SPATA13: variants seen among roughly 807,000 people sequenced by gnomAD.
SPATA13 encodes the protein spermatogenesis associated 13.
A neutral mutation model predicts 104.0 loss-of-function variants in SPATA13; 50 were observed. The ratio of observed to expected loss-of-function variants is 0.48; its 90% CI spans 0.38 to 0.61. The LOEUF is 0.61. SPATA13 is among the 20% of genes least tolerant of loss of function. SPATA13 has a pLI of 0.00. For missense variants in SPATA13, 1,524 were observed against 1,690.6 expected (o/e 0.90, Z 1.73); for synonymous variants, 606 against 667.5 (o/e 0.91, Z 1.42).
chr13:24,006,543 C>A (rs1244359804), intron 2 of SPATA13, among the ~76,000 whole-genome samples: 1 of 152,182 alleles, frequency 6.6e-6, no homozygotes, highest in African/African-American at 2.4e-5. Context: ...GGCAGAGGAG[C>A]GAATAGAGGC....
chr13:24,233,760 A>G (rs1005370315), intron 2 of SPATA13, among the ~76,000 whole-genome samples: 1 of 152,208 alleles, frequency 6.6e-6, no homozygotes, highest in African/African-American at 2.4e-5. Flanking sequence ...CAGACTAGTT[A>G]AACCGGCAAA....
intron 2 of SPATA13, among the ~76,000 whole-genome samples, chr13:23,984,983 T>C (rs1187231616): frequency 6.6e-6 from 1 of 152,210 alleles, no homozygotes; most frequent in Non-Finnish European, 1.5e-5. Context: ...GGAGGTGAGC[T>C]GGTCTCTTCA....
intron 1 of SPATA13, among the ~76,000 whole-genome samples, chr13:24,183,523 G>A (rs1473762432): frequency 6.6e-6 from 1 of 152,116 alleles, no homozygotes; most frequent in Non-Finnish European, 1.5e-5. Context: ...CGGCTCACGG[G>A]CCACATGCAG....
At chr13:24,196,387 A>G (rs535506400) in intron 1 of SPATA13, among the ~76,000 whole-genome samples, 1 of 152,310 alleles carries the variant, frequency 6.6e-6, no homozygotes, top group East Asian at 1.9e-4. Flanking sequence ...TATTTTTAGT[A>G]TGTAATAAAG....
At position 24,011,667 on chromosome 13, in the gene SPATA13, G is replaced by T. The variant is rs578261724; in HGVS notation, c.-146-6000G>T. Among the ~76,000 whole-genome samples the T allele has an allele frequency of 4.3e-4, 66 of 152,344 alleles. 1 individual carries two copies. Among genetic ancestry groups the T allele is most frequent in the East Asian group, 7.7e-4 (4 of 5,186 alleles). On this transcript the variant is annotated intron_variant, in intron 2 of 14. Coordinates refer to the SPATA13 transcript ENST00000424834. This position sits in a 1 kb window ranked among gnomAD's most constrained non-coding sequence, Gnocchi z 4.3. ...CTTGCTTTCTTCTCTTGGTGTGGCT[G>T]AAAACACCAGGCTCTAACTCTACTA...
At chr13:24,004,800 A>G (rs1440204533) in intron 2 of SPATA13, among the ~76,000 whole-genome samples, 2 of 152,166 alleles carry the variant, frequency 1.3e-5, no homozygotes, top group Non-Finnish European at 2.9e-5. Flanking sequence ...TAATAATAGT[A>G]AGATGCAAAA....
intron 3 of SPATA13, among the ~76,000 whole-genome samples, chr13:24,101,273 A>G (rs17456859): frequency 0.072 from 10,911 of 152,190 alleles, 436 homozygotes; most frequent in Non-Finnish European, 0.08. Flanking sequence ...TCCGTATACC[A>G]TTTCATCATA....
chr13:24,112,896 A>G (rs1388974061), intron 3 of SPATA13, among the ~76,000 whole-genome samples: 1 of 152,142 alleles, frequency 6.6e-6, no homozygotes, highest in Non-Finnish European at 1.5e-5. Context: ...CCTCCTTTCT[A>G]TGGTTCAGAT....
chr13:24,106,682 C>G (rs1021216033), intron 3 of SPATA13, among the ~76,000 whole-genome samples: 7 of 152,206 alleles, frequency 4.6e-5, no homozygotes, highest in Non-Finnish European at 1.0e-4. Flanking sequence ...ACAGAGCTGG[C>G]TCTCGTTCCA....
chr13:23,999,368 CAA>C lies in SPATA13; in HGVS notation c.-147+15455_-147+15456del, dbSNP rs34668799. On this transcript the variant is annotated intron_variant, in intron 2 of 14. Transcript: ENST00000424834. Reference sequence around the variant, plus strand: ...TTAGAAACAGATCCTCATTTTCTACCAAAAAAAAAAAAAAAAAAAAAGCCTGT... The same window carrying C: ...TTAGAAACAGATCCTCATTTTCTACCAAAAAAAAAAAAAAAAAAAGCCTGT... Among the ~76,000 whole-genome samples the C allele has an allele frequency of 4.6e-3, 434 of 94,370 alleles. 6 individuals are homozygous for C. The highest frequency in any genetic ancestry group is 0.017 in the Middle Eastern group (2 of 118). The allele number at this position is 94,370 out of a possible 152,430, so 61.9% of individuals were successfully genotyped here. A position where few individuals can be genotyped will look rare whatever the true frequency, so the allele number is the denominator to read the frequency against.
At chr13:24,022,526 T>C (rs1199825339) in intron 3 of SPATA13, among the ~76,000 whole-genome samples, 1 of 152,204 alleles carries the variant, frequency 6.6e-6, no homozygotes, top group Non-Finnish European at 1.5e-5. Flanking sequence ...ACAAAAACCT[T>C]CTGATCTCTT....
chr13:24,269,005 G>T (rs1217067219), intron 4 of SPATA13, among the ~76,000 whole-genome samples: 2 of 152,182 alleles, frequency 1.3e-5, no homozygotes, highest in East Asian at 3.8e-4. Flanking sequence ...TAATCATACA[G>T]CTTTCCATTC....
At chr13:24,251,595 A>AGAAACTGCCCTCCCTCTCTAT in intron 3 of SPATA13, 123 bp from the exon 4 acceptor site, 1 of 1,509,658 alleles carries the variant, frequency 6.6e-7, no homozygotes, top group Non-Finnish European at 8.8e-7. Context: ...AACTCGTGGC[A>AGAAACTGCCCTCCCTCTCTAT]GGATTGGAGA....
chr13:24,030,745 A>G lies in SPATA13; in HGVS notation c.-112+13044A>G, dbSNP rs77857899. On this transcript the variant is annotated intron_variant, in intron 3 of 14. Coordinates refer to the SPATA13 transcript ENST00000424834. ...GTTTAAGGGTTTTGTTCCTTTAAAA[A>G]AATATATTGACTCTAATATTCTTAG... Among the ~76,000 whole-genome samples, 1,359 of 152,312 alleles carry G rather than the reference A, an allele frequency of 8.9e-3. 22 individuals carry two copies. The highest frequency in any genetic ancestry group is 0.077 in the East Asian group (397 of 5,184).
chr13:24,109,301 T>C (rs940249221), intron 3 of SPATA13, among the ~76,000 whole-genome samples: 1 of 152,238 alleles, frequency 6.6e-6, no homozygotes, highest in Non-Finnish European at 1.5e-5. Flanking sequence ...TCCTTTTTTA[T>C]GGCTACATAG....
In SPATA13 at chr13:24,223,454, A is replaced by C; in HGVS notation, c.525A>C (p.Pro175=). The C allele has an allele frequency of 1.9e-6, 3 of 1,550,540 alleles. No individual in the cohort carries two copies. Among genetic ancestry groups the C allele is most frequent in the Non-Finnish European group, 2.6e-6 (3 of 1,146,988 alleles). ...GACCAGCATGTGGTGCCCTCAGGCCAGCAGAGTGGGGCACATTGGATGGCT... is the reference window on the plus strand; with the variant it reads ...GACCAGCATGTGGTGCCCTCAGGCCCGCAGAGTGGGGCACATTGGATGGCT... ...APGPACGALR[P]AEWGTLDGSD... The change falls in exon 2 of 13, where the codon CCA becomes CCC. Residue 175 remains proline (P), a synonymous_variant. Coordinates refer to ENST00000382108, the MANE Select transcript of SPATA13 (RefSeq NM_001166271.3).
rs779844602 is a variant in SPATA13 at position 24,305,644 on chromosome 13, C to G, written c.*2871C>G. ...AATTTCATTGGGAATCTTGCTCTCT[C>G]CCGCCTCTATGCCTTTCTCTCTTTT... is the stretch of plus-strand genomic sequence containing the variant. On this transcript the variant is annotated 3_prime_UTR_variant, in exon 13 of 13. Coordinates refer to ENST00000382108, the MANE Select transcript of SPATA13 (RefSeq NM_001166271.3). 18 of 152,200 alleles carry G rather than the reference C, an allele frequency of 1.2e-4. No individual in the cohort carries two copies. The highest frequency in any genetic ancestry group is 7.9e-4 in the Admixed American group (12 of 15,268). The allele number at this position is 152,200 out of a possible 1,614,324, so 9.4% of individuals were successfully genotyped here.
chr13:24,146,445 G>A (rs781642935), intron 3 of SPATA13, among the ~76,000 whole-genome samples: 2 of 152,190 alleles, frequency 1.3e-5, no homozygotes, highest in Non-Finnish European at 2.9e-5. Flanking sequence ...CAAGAAATTC[G>A]TTGGCTTTCA....
chr13:24,081,019 T>C (rs1374954972), intron 3 of SPATA13, among the ~76,000 whole-genome samples: 4 of 152,218 alleles, frequency 2.6e-5, no homozygotes, highest in African/African-American at 7.2e-5. Context: ...AGGAGGAAAA[T>C]ACCTGCATGA....
Sources: allele counts gnomAD v4.1 joint callset (sites outside exome capture counted in the v4.1 genomes callset), GRCh38; gene constraint gnomAD v4.1.1; non-coding constraint Gnocchi (gnomAD v3.1); transcripts MANE v1.5; gene names NCBI Gene and HGNC (gene_info 2026-07-23, HGNC 2026-07-21).